MECOM: variants seen among roughly 807,000 people sequenced by gnomAD.
The protein encoded by MECOM is histone-lysine N-methyltransferase MECOM.
A neutral mutation model predicts 116.3 loss-of-function variants in MECOM; 13 were observed. That is an observed-to-expected ratio of 0.11 (90% CI 0.07 to 0.18). The LOEUF is 0.18. Among genes scored for constraint, MECOM ranks in the 10% least tolerant of loss-of-function variants. The pLI, the probability that MECOM is intolerant of heterozygous loss-of-function variation, is 1.00. For synonymous variants in MECOM, 528 were observed against 535.2 expected (o/e 0.99, Z 0.19); for missense variants, 1,299 against 1,509.0 (o/e 0.86, Z 2.31).
intron 1 of MECOM, among the ~76,000 whole-genome samples, chr3:169,566,251 A>C (rs1476373613): frequency 6.6e-6 from 1 of 152,134 alleles, no homozygotes; most frequent in Non-Finnish European, 1.5e-5. Context: ...GAGCCAAACC[A>C]TATCACCTGG....
chr3:169,345,549 A>G (rs927757397), intron 2 of MECOM, among the ~76,000 whole-genome samples: 3 of 152,118 alleles, frequency 2.0e-5, no homozygotes, highest in Admixed American at 2.0e-4. Flanking sequence ...ACAACAGGAG[A>G]CTTTTAAAAT....
At chr3:169,460,897 C>T (rs933360375) in intron 1 of MECOM, among the ~76,000 whole-genome samples, 2 of 152,116 alleles carry the variant, frequency 1.3e-5, no homozygotes, top group African/African-American at 2.4e-5. Flanking sequence ...ACGGGAGAGT[C>T]CAAGATATAT....
At chr3:169,577,207 A>G (rs1057111245) in intron 1 of MECOM, among the ~76,000 whole-genome samples, 1 of 152,242 alleles carries the variant, frequency 6.6e-6, no homozygotes, top group Admixed American at 6.5e-5. Context: ...AAATGAGTTA[A>G]CGTATAAAGA....
Position 169,090,163 on chromosome 3 carries a change from C to G in MECOM, c.3238G>C (p.Glu1080Gln). Reference sequence around the variant, plus strand: ...TCTAACAACACCTCATCTTCAACTTCTTCATCATCCAGCAAGTCTGAATTT... The same window carrying G: ...TCTAACAACACCTCATCTTCAACTTGTTCATCATCCAGCAAGTCTGAATTT... ...SQNSDLLDDE[E>Q]VEDEVLLDEE... The change falls in exon 15 of 17, where the codon GAA (glutamate) becomes CAA (glutamine). Residue 1080 changes from glutamate to glutamine, a missense_variant. By Grantham distance (29) the Glu-to-Gln change is conservative. Transcript: ENST00000651503. 1.2e-6 allele frequency: 2 copies of G among 1,613,448 alleles called. No homozygotes were observed. The highest frequency in any genetic ancestry group is 1.7e-6 in the Non-Finnish European group (2 of 1,179,610).
chr3:169,473,220 T>C (rs1560319970), intron 1 of MECOM, among the ~76,000 whole-genome samples: 1 of 152,176 alleles, frequency 6.6e-6, no homozygotes, highest in Non-Finnish European at 1.5e-5. Flanking sequence ...ATTTGTACTT[T>C]TGAAACTTCT....
At chr3:169,143,668 A>T (rs751986653) in intron 3 of MECOM, 30 bp downstream of exon 3, 1 of 1,545,976 alleles carries the variant, frequency 6.5e-7, no homozygotes, top group Non-Finnish European at 8.8e-7. Context: ...TGTGCTCTCA[A>T]GGAAAGACAA....
intron 2 of MECOM, among the ~76,000 whole-genome samples, chr3:169,201,392 G>A (rs1749131284): frequency 6.6e-6 from 1 of 151,978 alleles, no homozygotes; most frequent in South Asian, 2.1e-4. Context: ...GAGCCAAAAT[G>A]AAATTTAAAA....
intron 10 of MECOM, among the ~76,000 whole-genome samples, chr3:169,107,548 G>C (rs1270084537): frequency 2.0e-5 from 3 of 152,110 alleles, no homozygotes; most frequent in Non-Finnish European, 4.4e-5. Flanking sequence ...CCTTTAGAAG[G>C]CTTTATCAAA....
At chr3:169,145,586 A>C (rs1415601954) in intron 2 of MECOM, 1 of 224,644 alleles carries the variant, frequency 4.5e-6, no homozygotes, top group East Asian at 6.5e-5. Flanking sequence ...ACACCAAAGA[A>C]ATATTTAATA....
intron 1 of MECOM, among the ~76,000 whole-genome samples, chr3:169,506,108 T>A (rs1755189794): frequency 6.6e-6 from 1 of 152,226 alleles, no homozygotes; most frequent in African/African-American, 2.4e-5. Flanking sequence ...TGCTCTCTCG[T>A]GGTGGCTCAC....
At chr3:169,579,433 G>T (rs192262001) in intron 1 of MECOM, among the ~76,000 whole-genome samples, 1 of 152,268 alleles carries the variant, frequency 6.6e-6, no homozygotes, top group East Asian at 1.9e-4. Context: ...ACAGCAGAAG[G>T]TGATTAGAGT....
intron 2 of MECOM, among the ~76,000 whole-genome samples, chr3:169,310,972 G>C (rs1232946231): frequency 1.3e-5 from 2 of 152,150 alleles, no homozygotes; most frequent in Non-Finnish European, 2.9e-5. Flanking sequence ...AAATTACAAA[G>C]GGAGACATCT....
intron 1 of MECOM, among the ~76,000 whole-genome samples, chr3:169,595,841 G>T (rs1266615025): frequency 6.6e-6 from 1 of 152,068 alleles, no homozygotes; most frequent in Non-Finnish European, 1.5e-5. Context: ...AAACCAGAGA[G>T]GTAGTATTTT....
chr3:169,263,285 T>C (rs1361275293), intron 2 of MECOM, among the ~76,000 whole-genome samples: 9 of 150,782 alleles, frequency 6.0e-5, no homozygotes, highest in East Asian at 2.0e-4. Context: ...CCCGCCACCA[T>C]GCTCGGTTAA....
intron 1 of MECOM, among the ~76,000 whole-genome samples, chr3:169,530,867 C>T (rs1158048318): frequency 6.6e-6 from 1 of 151,452 alleles, no homozygotes; most frequent in Non-Finnish European, 1.5e-5. Context: ...AAAAATATTA[C>T]CTACCATTTA....
intron 2 of MECOM, among the ~76,000 whole-genome samples, chr3:169,153,432 G>A (rs1053789786): frequency 3.9e-5 from 6 of 152,134 alleles, no homozygotes; most frequent in African/African-American, 1.4e-4. Context: ...ATTATCATTA[G>A]TCTCAAAAGG....
intron 2 of MECOM, among the ~76,000 whole-genome samples, chr3:169,318,811 A>T (rs1484853080): frequency 6.6e-6 from 1 of 152,196 alleles, no homozygotes; most frequent in Non-Finnish European, 1.5e-5. Flanking sequence ...ATAAAGACAC[A>T]TGCAGGGCTG....
chr3:169,381,925 T>C (rs1732454098), intron 1 of MECOM, among the ~76,000 whole-genome samples: 1 of 152,220 alleles, frequency 6.6e-6, no homozygotes, highest in African/African-American at 2.4e-5. Context: ...TTAGAAAGTT[T>C]TGTCATGCAA....
chr3:169,132,294 T>C (rs905285387), intron 3 of MECOM, among the ~76,000 whole-genome samples: 2 of 152,204 alleles, frequency 1.3e-5, no homozygotes, highest in Non-Finnish European at 2.9e-5. Context: ...GGAGCAAGTG[T>C]GGAAAGAACC....
Sources: allele counts gnomAD v4.1 joint callset (sites outside exome capture counted in the v4.1 genomes callset), GRCh38; gene constraint gnomAD v4.1.1; transcripts MANE v1.5; gene names NCBI Gene and HGNC (gene_info 2026-07-23, HGNC 2026-07-21).